The following HCN1 variants were observed in gnomAD, a reference collection of about 807,000 sequenced individuals.
HCN1 encodes potassium/sodium hyperpolarization-activated cyclic nucleotide-gated channel 1.
A neutral mutation model predicts 78.9 loss-of-function variants in HCN1; 13 were observed. The observed-to-expected ratio is 0.16, with a 90% CI of 0.11 to 0.26. The LOEUF (loss-of-function observed/expected upper bound fraction) is 0.26, where lower values mean the gene tolerates loss of function less well. Ranked by LOEUF, HCN1 falls within the 10% of genes least tolerant of loss-of-function variation. HCN1 has a pLI of 1.00. For synonymous variants in HCN1, 552 were observed against 455.5 expected (o/e 1.21, Z -2.70); for missense variants, 810 against 1,154.3 (o/e 0.70, Z 4.32).
In HCN1 at chr5:45,521,016, T is replaced by C. The variant is rs568720605; in HGVS notation, c.850-59009A>G. On this transcript the variant is annotated intron_variant, in intron 2 of 7. Transcript: ENST00000303230. ...TTTTTTTTTTGTTTTTTTGGCTTTT[T>C]AAAAAATTATTTTAAAGGGCCTGGG... Among the ~76,000 whole-genome samples the C allele has an allele frequency of 2.0e-5, 3 of 151,872 alleles. No individual in the cohort carries two copies. In the South Asian group the frequency reaches 6.2e-4, roughly 31 times the overall value.
At chr5:45,342,325 G>A (rs990612755) in intron 5 of HCN1, among the ~76,000 whole-genome samples, 2 of 150,936 alleles carry the variant, frequency 1.3e-5, no homozygotes, top group African/African-American at 4.9e-5. Flanking sequence ...TGACTCCCAG[G>A]TTCAAGCAAT....
chr5:45,665,310 A>C (rs1369257206), intron 1 of HCN1, among the ~76,000 whole-genome samples: 1 of 58,318 alleles, frequency 1.7e-5, no homozygotes, highest in African/African-American at 7.3e-5. Flanking sequence ...GGGTGGGGGG[A>C]GGGGGGAGGG....
chr5:45,384,338 T>C (rs947126435), intron 4 of HCN1, among the ~76,000 whole-genome samples: 6 of 152,016 alleles, frequency 3.9e-5, no homozygotes, highest in Admixed American at 1.3e-4. Flanking sequence ...TCACAGAAAA[T>C]CTTTGGAATA....
chr5:45,387,725 G>A (rs1347514254), intron 4 of HCN1, among the ~76,000 whole-genome samples: 3 of 152,052 alleles, frequency 2.0e-5, no homozygotes, highest in Non-Finnish European at 4.4e-5. Context: ...GCCATATACA[G>A]TAGTCCTCAC....
chr5:45,649,209 T>G (rs191206809), intron 1 of HCN1, among the ~76,000 whole-genome samples: 2 of 152,188 alleles, frequency 1.3e-5, no homozygotes, highest in East Asian at 3.9e-4. Flanking sequence ...GCAATGAGTT[T>G]CTTAGTTTGT....
intron 5 of HCN1, among the ~76,000 whole-genome samples, chr5:45,307,429 A>G (rs567734584): frequency 1.1e-4 from 17 of 152,258 alleles, no homozygotes; most frequent in African/African-American, 4.1e-4. Context: ...GAGAAACATG[A>G]AAAACTCCAC....
chr5:45,395,430 A>G (rs1739667231), intron 4 of HCN1, among the ~76,000 whole-genome samples: 1 of 152,178 alleles, frequency 6.6e-6, no homozygotes, highest in South Asian at 2.1e-4. Flanking sequence ...TTATCTTTTC[A>G]TTACTTCAGT....
At chr5:45,373,047 TATA>T (rs1468429806) in intron 4 of HCN1, among the ~76,000 whole-genome samples, 1 of 135,388 alleles carries the variant, frequency 7.4e-6, no homozygotes, top group Non-Finnish European at 1.6e-5. Flanking sequence ...ATATATAAAA[TATA>T]ATATATATAA....
intron 2 of HCN1, among the ~76,000 whole-genome samples, chr5:45,554,942 A>T (rs1474976245): frequency 6.6e-6 from 1 of 151,826 alleles, no homozygotes; most frequent in Non-Finnish European, 1.5e-5. Context: ...TAAATAAGAG[A>T]TTTCCTTTTA....
chr5:45,646,367 C>CTT (rs201964510), intron 1 of HCN1, among the ~76,000 whole-genome samples: 34 of 123,518 alleles, frequency 2.8e-4, no homozygotes, highest in African/African-American at 4.7e-4. Flanking sequence ...TTCTTTCTTT[C>CTT]TTTTTTTTTT....
At chr5:45,566,959 G>T (rs1743720243) in intron 2 of HCN1, among the ~76,000 whole-genome samples, 1 of 152,138 alleles carries the variant, frequency 6.6e-6, no homozygotes, top group Non-Finnish European at 1.5e-5. Flanking sequence ...TCTGATACAG[G>T]TTATAGGTTA....
intron 2 of HCN1, among the ~76,000 whole-genome samples, chr5:45,490,880 T>G (rs1741867441): frequency 6.6e-6 from 1 of 152,112 alleles, no homozygotes; most frequent in African/African-American, 2.4e-5. Context: ...ATACCAATCA[T>G]CCTTTGCCTA....
chr5:45,504,593 A>C (rs1320137893), intron 2 of HCN1, among the ~76,000 whole-genome samples: 3 of 152,152 alleles, frequency 2.0e-5, no homozygotes, highest in Non-Finnish European at 4.4e-5. Context: ...AGCATGATTT[A>C]TAATCCTTTG....
intron 2 of HCN1, among the ~76,000 whole-genome samples, chr5:45,491,556 C>T (rs976051644): frequency 6.6e-6 from 1 of 152,160 alleles, no homozygotes; most frequent in Non-Finnish European, 1.5e-5. Context: ...AATTGCTCAA[C>T]CTCTTTGAAC....
chr5:45,676,236 T>C (rs971561571), intron 1 of HCN1, among the ~76,000 whole-genome samples: 1 of 151,794 alleles, frequency 6.6e-6, no homozygotes, highest in Non-Finnish European at 1.5e-5. Context: ...GAATATTGCC[T>C]ATGACATCTT....
At chr5:45,493,902 C>T (rs1250950723) in intron 2 of HCN1, among the ~76,000 whole-genome samples, 2 of 151,920 alleles carry the variant, frequency 1.3e-5, no homozygotes, top group East Asian at 1.9e-4. Context: ...TTTCCAATTT[C>T]ATCCATGTCC....
At chr5:45,555,387 T>C (rs1362597555) in intron 2 of HCN1, among the ~76,000 whole-genome samples, 1 of 151,596 alleles carries the variant, frequency 6.6e-6, no homozygotes, top group Non-Finnish European at 1.5e-5. Context: ...ATGAAAGAAA[T>C]TGAAGAGGAC....
At position 45,524,433 on chromosome 5, in the gene HCN1, T is replaced by C. The variant is rs369131337; in HGVS notation, c.850-62426A>G. The stretch of plus-strand genomic sequence containing the variant: ...GTAGCTTGATGGGGATGGCATTGAA[T>C]CTGTAAATTACCTTGGGCAGTATGG... On this transcript the variant is annotated intron_variant, in intron 2 of 7. Transcript: ENST00000303230. Among the ~76,000 whole-genome samples the C allele has an allele frequency of 8.5e-5, 13 of 152,294 alleles. No individual in the cohort carries two copies. In the East Asian group the frequency reaches 2.1e-3, roughly 25 times the overall value.
intron 3 of HCN1, among the ~76,000 whole-genome samples, chr5:45,402,323 T>A (rs935119928): frequency 6.6e-6 from 1 of 152,154 alleles, no homozygotes; most frequent in African/African-American, 2.4e-5. Flanking sequence ...TGCTGGTTCT[T>A]AACTAAGGAT....
Sources: allele counts gnomAD v4.1 joint callset (sites outside exome capture counted in the v4.1 genomes callset), GRCh38; gene constraint gnomAD v4.1.1; transcripts MANE v1.5; gene names NCBI Gene and HGNC (gene_info 2026-07-23, HGNC 2026-07-21).